LHFPL4: variants seen among roughly 807,000 people sequenced by gnomAD.
LHFPL4 encodes the protein LHFPL tetraspan subfamily member 4 protein.
A neutral mutation model predicts 20.0 loss-of-function variants in LHFPL4; 6 were observed. That is an observed-to-expected ratio of 0.30 (90% CI 0.16 to 0.59). LHFPL4 has a LOEUF of 0.59. Ranked by LOEUF, LHFPL4 falls within the 20% of genes least tolerant of loss-of-function variation. The probability of loss-of-function intolerance (pLI) is 0.88; values close to 1 mark genes in which losing one functional copy is unlikely to be tolerated. For missense variants in LHFPL4, 215 were observed against 331.2 expected (o/e 0.65, Z 2.72); for synonymous variants, 129 against 143.8 (o/e 0.90, Z 0.74).
At chr3:9,523,050 AAAAAAAAAG>A (rs1319265332) in intron 2 of LHFPL4, among the ~76,000 whole-genome samples, 4 of 102,558 alleles carry the variant, frequency 3.9e-5, no homozygotes, top group African/African-American at 1.3e-4. Flanking sequence ...CAAAAAAAAA[AAAAAAAAAG>A]AAAGAAAGAA....
At chr3:9,509,092 C>T (rs1286328332) in intron 2 of LHFPL4, among the ~76,000 whole-genome samples, 6 of 152,198 alleles carry the variant, frequency 3.9e-5, no homozygotes, top group Non-Finnish European at 8.8e-5. Context: ...TGCGGGCGGT[C>T]CTCCTCCCCT....
At chr3:9,505,851 GCCC>G (rs2046214480) in intron 3 of LHFPL4, 113 bp downstream of exon 3, 2 of 1,012,390 alleles carry the variant, frequency 2.0e-6, no homozygotes, top group Non-Finnish European at 3.0e-6. Flanking sequence ...GAGCCACCAC[GCCC>G]AGCCAGGGTT....
chr3:9,522,791 C>A (rs1266869423), intron 2 of LHFPL4, among the ~76,000 whole-genome samples: 3 of 151,314 alleles, frequency 2.0e-5, no homozygotes, highest in Non-Finnish European at 4.4e-5. Flanking sequence ...CCTGTAATCC[C>A]AGCACTTTGG....
intron 2 of LHFPL4, among the ~76,000 whole-genome samples, chr3:9,541,554 A>G (rs1226534056): frequency 6.6e-6 from 1 of 151,342 alleles, no homozygotes; most frequent in East Asian, 2.0e-4. Flanking sequence ...GGTGGATCAC[A>G]TGAGGTCAGG....
chr3:9,552,484 C>A lies in LHFPL4; in HGVS notation c.196G>T (p.Val66Leu). Residue 66 changes from valine (V) to leucine (L), a missense_variant, in exon 2 of 4, where the codon GTG (valine) becomes TTG (leucine). Transcript: ENST00000287585. Reference protein sequence around the residue: ...PGYFGLFHYCVGSGLAGRELT... With the variant: ...PGYFGLFHYCLGSGLAGRELT... ...TCGCGGCCCGCCAGCCCGCTGCCCA[C>A]GCAGTAGTGGAAGAGGCCGAAGTAG... 6.2e-7 allele frequency: 1 copy of A among 1,613,240 alleles called. No individual in the cohort carries two copies. Among genetic ancestry groups the A allele is most frequent in the Non-Finnish European group, 8.5e-7 (1 of 1,179,688 alleles).
Position 9,506,185 on chromosome 3 carries a change from C to G in LHFPL4, c.425G>C (p.Gly142Ala). 6.2e-7 allele frequency: 1 copy of G among 1,614,106 alleles called. No individual in the cohort carries two copies. Among genetic ancestry groups the G allele is most frequent in the Non-Finnish European group, 8.5e-7 (1 of 1,179,998 alleles). Residue 142 changes from glycine to alanine, a missense_variant, in exon 3 of 4, where the codon GGC (glycine) becomes GCC (alanine). This residue lies in a region of LHFPL4 where 164 missense variants were observed against 286.7 expected (regional missense o/e 0.57). Transcript: ENST00000287585. The surrounding 1 kb of genome is among the most constrained non-coding windows in gnomAD (Gnocchi z 4.5). ...QLLAALCLVL[G>A]CMIFPDGWDA... ...CCAGCCATCAGGAAAGATCATGCAG[C>G]CCAGGACGAGGCACAGAGCTGAGGG...
chr3:9,513,959 A>T (rs1574840498), intron 2 of LHFPL4, among the ~76,000 whole-genome samples: 1 of 152,318 alleles, frequency 6.6e-6, no homozygotes, highest in East Asian at 1.9e-4. Context: ...ATCCTTGATT[A>T]TACACAAAGG....
chr3:9,546,777 A>G (rs1190314565), intron 2 of LHFPL4, among the ~76,000 whole-genome samples: 2 of 152,220 alleles, frequency 1.3e-5, no homozygotes, highest in African/African-American at 4.8e-5. Flanking sequence ...CCCTCGGACT[A>G]TGTCACAAGA....
rs1418237171 is a variant in LHFPL4 at position 9,499,364 on chromosome 3, A to G, written c.*2847T>C. The G allele has an allele frequency of 6.6e-6, 1 of 152,514 alleles. No individual in the cohort carries two copies. Among genetic ancestry groups the G allele is most frequent in the African/African-American group, 2.4e-5 (1 of 41,436 alleles). The allele number at this position is 152,514 out of a possible 1,614,324, so 9.4% of individuals were successfully genotyped here. A position where few individuals can be genotyped will look rare whatever the true frequency, so the allele number is the denominator to read the frequency against. ...TCTGCAGAACCCAGGGCCCCAGTCTATGGTTTGGTCCCCACTCTGACTTCT... is the reference window on the plus strand; with the variant it reads ...TCTGCAGAACCCAGGGCCCCAGTCTGTGGTTTGGTCCCCACTCTGACTTCT... On this transcript the variant is annotated 3_prime_UTR_variant, in exon 4 of 4. Coordinates refer to ENST00000287585, the MANE Select transcript of LHFPL4 (RefSeq NM_198560.3).
At chr3:9,522,389 G>A (rs2046343875) in intron 2 of LHFPL4, among the ~76,000 whole-genome samples, 1 of 152,230 alleles carries the variant, frequency 6.6e-6, no homozygotes, top group South Asian at 2.1e-4. Flanking sequence ...GTGTATAATT[G>A]AAAACACTGT....
intron 2 of LHFPL4, among the ~76,000 whole-genome samples, chr3:9,520,553 C>T (rs915689453): frequency 1.4e-4 from 22 of 151,982 alleles, no homozygotes; most frequent in African/African-American, 5.3e-4. Flanking sequence ...GAGGTTTCAC[C>T]ATGCTAGCCA....
intron 2 of LHFPL4, among the ~76,000 whole-genome samples, chr3:9,519,016 C>T (rs766837020): frequency 7.2e-5 from 11 of 152,068 alleles, no homozygotes; most frequent in Non-Finnish European, 1.3e-4. Flanking sequence ...CAGCTCACTA[C>T]AACCTCTGCC....
Position 9,502,257 on chromosome 3 carries a change from C to G in LHFPL4, c.698G>C (p.Gly233Ala). 6.2e-7 allele frequency: 1 copy of G among 1,613,964 alleles called. No individual in the cohort carries two copies. ...CACGGGGCAGGGAAGGACTCCCCATCCAGAGACATCACCCCCGGGCCGCAA... is the reference window on the plus strand; with the variant it reads ...CACGGGGCAGGGAAGGACTCCCCATGCAGAGACATCACCCCCGGGCCGCAA... The part of the protein sequence containing the change: ...SVLRPGGDVS[G>A]WGVLPCPVAH... Residue 233 changes from glycine (G) to alanine (A), a missense_variant, in exon 4 of 4, where the codon GGA becomes GCA. By Grantham distance (60) the Gly-to-Ala change is moderately conservative. This residue lies in a region of LHFPL4 where 51 missense variants were observed against 44.5 expected (regional missense o/e 1.15). Coordinates refer to ENST00000287585, the MANE Select transcript of LHFPL4 (RefSeq NM_198560.3).
intron 2 of LHFPL4, among the ~76,000 whole-genome samples, chr3:9,525,772 A>T (rs1199182046): frequency 6.6e-6 from 1 of 152,158 alleles, no homozygotes; most frequent in Non-Finnish European, 1.5e-5. Flanking sequence ...CGTTTGAAAA[A>T]ATGGGAAAAA....
intron 2 of LHFPL4, among the ~76,000 whole-genome samples, chr3:9,511,433 G>A (rs904905101): frequency 1.3e-5 from 2 of 152,116 alleles, no homozygotes; most frequent in African/African-American, 2.4e-5. Flanking sequence ...GAGGCACCAG[G>A]TGTCTTATCC....
chr3:9,526,656 G>C (rs528344594), intron 2 of LHFPL4, among the ~76,000 whole-genome samples: 1 of 152,304 alleles, frequency 6.6e-6, no homozygotes, highest in African/African-American at 2.4e-5. Context: ...GGTACCTGCA[G>C]ATATAATTAA....
rs1005694304 is a variant in LHFPL4 at position 9,525,738 on chromosome 3, TA to T, written c.407-19536del. Among the ~76,000 whole-genome samples the T allele has an allele frequency of 2.6e-5, 4 of 152,008 alleles. No homozygotes were observed. In the East Asian group the frequency reaches 7.7e-4, roughly 29 times the overall value. On this transcript the variant is annotated intron_variant, in intron 2 of 3. Transcript: ENST00000287585. ...ATCTGAAAAAAAGCAATCATAATTT[TA>T]AAAAAAATCCAACGTGCTTATACGT... is the stretch of plus-strand genomic sequence containing the variant.
chr3:9,512,245 G>C (rs908521820), intron 2 of LHFPL4, among the ~76,000 whole-genome samples: 25 of 152,020 alleles, frequency 1.6e-4, no homozygotes, highest in African/African-American at 5.8e-4. Flanking sequence ...GGCAATTTTA[G>C]GTAGTCAGTT....
At chr3:9,528,912 G>GC (rs2046391856) in intron 2 of LHFPL4, among the ~76,000 whole-genome samples, 1 of 144,866 alleles carries the variant, frequency 6.9e-6, no homozygotes, top group South Asian at 2.1e-4. Context: ...ACTGCACCCA[G>GC]CCCCCCAACT....
Sources: gnomAD v4.1 joint callset for allele counts (sites outside exome capture counted in the v4.1 genomes callset) on GRCh38, gnomAD v4.1.1 for gene constraint, gnomAD v4.1.1 regional missense constraint, Gnocchi (gnomAD v3.1) non-coding constraint, MANE v1.5 for transcripts, NCBI Gene and HGNC (gene_info 2026-07-23, HGNC 2026-07-21) for gene names.